AHNAK: variants seen among roughly 807,000 people sequenced by gnomAD.
The protein encoded by AHNAK is AHNAK nucleoprotein, also known as neuroblast differentiation-associated protein AHNAK.
AHNAK carries 23 observed loss-of-function variants against 37.8 expected under a neutral mutation model. The ratio of observed to expected loss-of-function variants is 0.61; its 90% CI spans 0.44 to 0.86. The LOEUF (loss-of-function observed/expected upper bound fraction) is 0.86, where lower values mean the gene tolerates loss of function less well. AHNAK is among the 40% of genes least tolerant of loss of function. The probability of loss-of-function intolerance (pLI) is 0.00; values close to 1 mark genes in which losing one functional copy is unlikely to be tolerated. For synonymous variants in AHNAK, 2,481 were observed against 2,636.3 expected (o/e 0.94, Z 1.80); for missense variants, 7,411 against 7,319.4 (o/e 1.01, Z -0.46).
Position 62,516,999 on chromosome 11 carries a change from C to T in AHNAK, c.17418G>A (p.Val5806=). Residue 5806 remains valine (V), a synonymous_variant, in exon 5 of 5, where the codon GTG becomes GTA. Transcript: ENST00000378024. ...CTTTAACTTTCCCACCTTCCAGAGA[C>T]ACTTCCCCACCTTCAAACTCCAGCG... ...TGTLEFEGGE[V]SLEGGKVKGK... The T allele has an allele frequency of 1.2e-6, 2 of 1,614,234 alleles. No individual in the cohort carries two copies. Among genetic ancestry groups the T allele is most frequent in the Non-Finnish European group, 1.7e-6 (2 of 1,180,052 alleles).
At chr11:62,442,384 T>C (rs915710935) in intron 5 of AHNAK, among the ~76,000 whole-genome samples, 1 of 151,858 alleles carries the variant, frequency 6.6e-6, no homozygotes, top group Non-Finnish European at 1.5e-5. Context: ...CCTATCTCTA[T>C]GAAAAATACA....
intron 4 of AHNAK, among the ~76,000 whole-genome samples, chr11:62,494,703 CA>C (rs1939573855): frequency 6.6e-6 from 1 of 151,980 alleles, no homozygotes; most frequent in Non-Finnish European, 1.5e-5. Flanking sequence ...CTTGTCTCCA[CA>C]AAGAATTCAA....
intron 5 of AHNAK, among the ~76,000 whole-genome samples, chr11:62,481,174 C>A (rs1443775849): frequency 6.6e-6 from 1 of 151,260 alleles, no homozygotes; most frequent in Non-Finnish European, 1.5e-5. Flanking sequence ...GGCGCAGTCA[C>A]GGCTCACTGC....
rs754990821 is a variant in AHNAK at position 62,530,684 on chromosome 11, C to T, written c.3733G>A (p.Val1245Ile). Residue 1245 changes from valine to isoleucine, a missense_variant, in exon 5 of 5, where the codon GTT becomes ATT. Physicochemically the swap from Val to Ile is conservative, Grantham distance 29. Transcript: ENST00000378024. ...TTCAGGTGCCAGTCTGGGCCTTGAA[C>T]CTCCACATCTGGGGCATCAATGTCC... ...KMDIDAPDVE[V>I]QGPDWHLKMP... is the part of the protein sequence containing the mutation. 5.6e-6 allele frequency: 9 copies of T among 1,613,650 alleles called. No homozygotes were observed. Among genetic ancestry groups the T allele is most frequent in the South Asian group, 1.1e-5 (1 of 91,062 alleles).
intron 5 of AHNAK, among the ~76,000 whole-genome samples, chr11:62,452,270 G>T (rs552656193): frequency 2.4e-4 from 37 of 152,290 alleles, no homozygotes; most frequent in African/African-American, 8.4e-4. Flanking sequence ...GATGTACATG[G>T]CTTACTATCT....
In AHNAK at chr11:62,524,225, C is replaced by T. The variant is rs1308704358; in HGVS notation, c.10192G>A (p.Val3398Met). 2 of 1,613,012 alleles carry T rather than the reference C, an allele frequency of 1.2e-6. No individual in the cohort carries two copies. The highest frequency in any genetic ancestry group is 2.2e-5 in the South Asian group (2 of 90,726). Residue 3398 changes from valine to methionine, a missense_variant, in exon 5 of 5, where the codon GTG (valine) becomes ATG (methionine). Val to Met is a conservative substitution (Grantham distance 21, BLOSUM62 1). Coordinates refer to ENST00000378024, the MANE Select transcript of AHNAK (RefSeq NM_001620.3). ...NAPDVEVQGK[V>M]KGSKFKMPFL... Reference sequence around the variant, plus strand: ...GGCATTTTAAACTTGGATCCTTTCACTTTTCCTTGGACCTCGACATCAGGA... The same window carrying T: ...GGCATTTTAAACTTGGATCCTTTCATTTTTCCTTGGACCTCGACATCAGGA...
intron 4 of AHNAK, among the ~76,000 whole-genome samples, chr11:62,505,100 G>A (rs1939785432): frequency 1.3e-5 from 2 of 152,152 alleles, no homozygotes. Context: ...CAGTGTTTGG[G>A]CATTGGGGAC....
rs752363523 is a variant in AHNAK, at chr11:62,524,635, T to A, written c.9782A>T (p.Asp3261Val). The A allele has an allele frequency of 3.1e-6, 5 of 1,614,122 alleles. No homozygotes were observed. The African/African-American group carries it at 5.3e-5, about 17-fold the overall frequency. ...AATGTCAATATCTGGAGCATCTACA[T>A]CTATCTTTGGGCCTTTTATGTCAAG... Reference protein sequence around the residue: ...PALDIKGPKIDVDAPDIDIHG... With the variant: ...PALDIKGPKIVVDAPDIDIHG... Residue 3261 changes from aspartate (D) to valine (V), a missense_variant, in exon 5 of 5, where the codon GAT becomes GTT. Coordinates refer to ENST00000378024, the MANE Select transcript of AHNAK (RefSeq NM_001620.3).
chr11:62,541,487 A>T (rs138071963), intron 1 of AHNAK, among the ~76,000 whole-genome samples: 3 of 152,316 alleles, frequency 2.0e-5, no homozygotes, highest in African/African-American at 7.2e-5. Context: ...CGGAACCAGG[A>T]GGAGAGGGAG....
rs201212781 is a variant in AHNAK, at chr11:62,522,773, G to C, written c.11644C>G (p.Leu3882Val). The C allele has an allele frequency of 2.6e-4, 427 of 1,613,448 alleles. 1 individual carries two copies. Among genetic ancestry groups the C allele is most frequent in the Middle Eastern group, 2.5e-3 (15 of 6,060 alleles). ...KISMPDIDLN[L>V]KGPKVKGDMD... is the part of the protein sequence containing the mutation. ...TCACCCTTCACTTTGGGTCCTTTCA[G>C]GTTAAGATCAATGTCAGGCATGGAG... The change falls in exon 5 of 5, where the codon CTG becomes GTG. Residue 3882 changes from leucine to valine, a missense_variant. Leu to Val is a conservative substitution (Grantham distance 32, BLOSUM62 1). Coordinates refer to ENST00000378024, the MANE Select transcript of AHNAK (RefSeq NM_001620.3).
chr11:62,450,339 T>C (rs1938510761), intron 5 of AHNAK, among the ~76,000 whole-genome samples: 1 of 151,342 alleles, frequency 6.6e-6, no homozygotes, highest in Non-Finnish European at 1.5e-5. Flanking sequence ...TTTGTATTTG[T>C]TGTTGTTGTT....
Position 62,479,190 on chromosome 11 carries a change from G to A in AHNAK, c.442+12542C>T, listed in dbSNP as rs1367967581. Among the ~76,000 whole-genome samples, 4 of 88,454 alleles carry A rather than the reference G, an allele frequency of 4.5e-5. No homozygotes were observed. The Admixed American group carries it at 5.2e-4, about 12-fold the overall frequency. The allele number at this position is 88,454 out of a possible 152,430, so 58.0% of individuals were successfully genotyped here. The stretch of plus-strand genomic sequence containing the variant: ...TTCTTTTTTTTTTTTTTTTTGATAC[G>A]GAGTTTCCCTCTTGTTACCCAGGTT... On this transcript the variant is annotated intron_variant, in intron 5 of 5. Transcript: ENST00000257247.
chr11:62,543,673 G>A (rs1941205116), intron 1 of AHNAK, among the ~76,000 whole-genome samples: 1 of 152,208 alleles, frequency 6.6e-6, no homozygotes, highest in African/African-American at 2.4e-5. Context: ...GCTGGAAATT[G>A]CTCGTGCTCA....
intron 5 of AHNAK, among the ~76,000 whole-genome samples, chr11:62,468,649 A>T (rs925001101): frequency 6.6e-6 from 1 of 152,210 alleles, no homozygotes; most frequent in Non-Finnish European, 1.5e-5. Flanking sequence ...GGCCAGTTTC[A>T]GCCAGCATGA....
Position 62,525,828 on chromosome 11 carries a change from A to C in AHNAK, c.8589T>G (p.Asp2863Glu). 6.2e-7 allele frequency: 1 copy of C among 1,613,204 alleles called. No individual in the cohort carries two copies. The highest frequency in any genetic ancestry group is 1.7e-4 in the Middle Eastern group (1 of 6,056). The change falls in exon 5 of 5, where the codon GAT becomes GAG. Residue 2863 changes from aspartate to glutamate, a missense_variant. Asp to Glu is a conservative substitution (Grantham distance 45). Transcript: ENST00000378024. ...VDVTGPKVEG[D>E]LKGPEVDLKG... ...TGAGGTCAACTTCAGGACCTTTCAGATCTCCCTCTACCTTAGGGCCTGTAA... is the reference window on the plus strand; with the variant it reads ...TGAGGTCAACTTCAGGACCTTTCAGCTCTCCCTCTACCTTAGGGCCTGTAA...
At chr11:62,466,389 T>C (rs1938913000) in intron 5 of AHNAK, among the ~76,000 whole-genome samples, 1 of 152,118 alleles carries the variant, frequency 6.6e-6, no homozygotes, top group African/African-American at 2.4e-5. Context: ...GAGTTGTATA[T>C]AGCCAGCTAC....
chr11:62,506,037 G>T (rs1939806200), intron 4 of AHNAK, among the ~76,000 whole-genome samples: 1 of 127,088 alleles, frequency 7.9e-6, no homozygotes, highest in African/African-American at 3.1e-5. Flanking sequence ...AAAAAAAAAA[G>T]GCGGGGGTGG....
chr11:62,497,192 A>G (rs1357393763), intron 4 of AHNAK, among the ~76,000 whole-genome samples: 2 of 152,226 alleles, frequency 1.3e-5, no homozygotes, highest in African/African-American at 4.8e-5. Context: ...AACAACTGCT[A>G]AAGTGTTCTG....
rs1204844308 is a variant in AHNAK at position 62,531,145 on chromosome 11, T to C, written c.3272A>G (p.Lys1091Arg). 1.9e-6 allele frequency: 3 copies of C among 1,614,016 alleles called. No individual in the cohort carries two copies. The highest frequency in any genetic ancestry group is 2.5e-6 in the Non-Finnish European group (3 of 1,180,028). ...MKGNVDISAP[K>R]IEGEMQVPDV... is the part of the protein sequence containing the mutation. Reference sequence around the variant, plus strand: ...TGGAACCTGCATTTCACCCTCTATCTTTGGTGCAGAGATATCTACATTTCC... The same window carrying C: ...TGGAACCTGCATTTCACCCTCTATCCTTGGTGCAGAGATATCTACATTTCC... Residue 1091 changes from lysine to arginine, a missense_variant, in exon 5 of 5, where the codon AAG (lysine) becomes AGG (arginine). Physicochemically the swap from Lys to Arg is conservative, Grantham distance 26 (BLOSUM62 2). Transcript: ENST00000378024.
Sources: allele counts gnomAD v4.1 joint callset (sites outside exome capture counted in the v4.1 genomes callset), GRCh38; gene constraint gnomAD v4.1.1; transcripts MANE v1.5; gene names NCBI Gene and HGNC (gene_info 2026-07-23, HGNC 2026-07-21).